The following KPRP variants were observed in gnomAD, a reference collection of about 807,000 sequenced individuals.
KPRP encodes the protein keratinocyte proline rich protein.
For synonymous variants in KPRP, 282 were observed against 276.9 expected, an observed-to-expected ratio of 1.02 and a Z score of -0.18; for missense variants, 820 against 746.4, an observed-to-expected ratio of 1.10 and a Z score of -1.15.
At chr1:152,760,533 A>G (rs1262180295) in exon 1 of KPRP, 1 of 1,611,668 alleles carries the variant, frequency 6.2e-7, no homozygotes, top group South Asian at 1.1e-5. Flanking sequence ...GCCCCATTTC[A>G]AGCTGCTCTC....
exon 1 of KPRP, chr1:152,761,292 T>C: frequency 1.2e-6 from 2 of 1,614,098 alleles, no homozygotes; most frequent in South Asian, 2.2e-5. Flanking sequence ...ATGCCTTTGC[T>C]GGAGTGAAAG....
chr1:152,759,599 A>G, exon 1 of KPRP: 1 of 1,613,748 alleles, frequency 6.2e-7, no homozygotes, highest in East Asian at 2.2e-5. Flanking sequence ...ATGTGTGACC[A>G]GCAGCAGATC....
At chr1:152,760,297 C>G (rs1557827666) in exon 1 of KPRP, 1 of 1,614,184 alleles carries the variant, frequency 6.2e-7, no homozygotes, top group Non-Finnish European at 8.5e-7. Flanking sequence ...GTGCCAGACC[C>G]AGGGCTCCTA....
Position 152,760,289 on chromosome 1 carries a change from G to A in KPRP, c.701G>A (p.Cys234Tyr), listed in dbSNP as rs760472715. 7.2e-5 allele frequency: 116 copies of A among 1,614,022 alleles called. No homozygotes were observed. Among genetic ancestry groups the A allele is most frequent in the Non-Finnish European group, 9.7e-5 (115 of 1,180,034 alleles). The change falls in exon 1 of 1, where the codon TGC becomes TAC. Residue 234 changes from cysteine (C) to tyrosine (Y), a missense_variant. Physicochemically the swap from Cys to Tyr is radical, Grantham distance 194. Transcript: ENST00000606109. The stretch of plus-strand genomic sequence containing the variant: ...TCATTTAGTCCCTGTGTGCCCCAGT[G>A]CCAGACCCAGGGCTCCTATGGGAGC...
exon 1 of KPRP, chr1:152,761,386 C>A: frequency 6.5e-7 from 1 of 1,547,144 alleles, no homozygotes; most frequent in South Asian, 1.3e-5. Flanking sequence ...TCCTCCTATT[C>A]CACAATTTCC....
chr1:152,759,235 A>G (rs974274799), upstream of KPRP, among the ~76,000 whole-genome samples: 9 of 152,180 alleles, frequency 5.9e-5, no homozygotes, highest in African/African-American at 2.2e-4. Context: ...TGTTATCTCT[A>G]CTTCCTGTAG....
At chr1:152,760,780 C>A (rs528347017) in exon 1 of KPRP, 2 of 1,614,084 alleles carry the variant, frequency 1.2e-6, no homozygotes, top group African/African-American at 2.7e-5. Flanking sequence ...ACCACTGCAG[C>A]GATGTCCACC....
Position 152,760,483 on chromosome 1 carries a change from C to T in KPRP, c.895C>T (p.Arg299Cys). Residue 299 changes from arginine to cysteine, a missense_variant, in exon 1 of 1, where the codon CGC becomes TGC. Physicochemically the swap from Arg to Cys is radical, Grantham distance 180. Coordinates refer to ENST00000606109, the Ensembl canonical transcript of KPRP. Reference sequence around the variant, plus strand: ...TTTCCCTAACTACTGCACCCCACCCCGCCGCTCTGAACCCATATATAACAG... The same window carrying T: ...TTTCCCTAACTACTGCACCCCACCCTGCCGCTCTGAACCCATATATAACAG... 1 of 1,613,392 alleles carries T rather than the reference C, an allele frequency of 6.2e-7. No individual in the cohort carries two copies.
Position 152,760,172 on chromosome 1 carries a change from T to C in KPRP, c.584T>C (p.Phe195Ser), listed in dbSNP as rs201287381. Residue 195 changes from phenylalanine (F) to serine (S), a missense_variant, in exon 1 of 1, where the codon TTT (phenylalanine) becomes TCT (serine). Transcript: ENST00000606109. ...TCCTATAGCAGTTGTGGCCCCCAGT[T>C]TCAGTCAAGGGCTACCTGCAACAAC... 2 of 1,613,874 alleles carry C rather than the reference T, an allele frequency of 1.2e-6. No individual in the cohort carries two copies. Among genetic ancestry groups the C allele is most frequent in the East Asian group, 4.5e-5 (2 of 44,846 alleles).
chr1:152,761,587 T>C (rs1441191893), exon 1 of KPRP: 4 of 465,280 alleles, frequency 8.6e-6, no homozygotes, highest in Non-Finnish European at 1.6e-5. Flanking sequence ...TGGGCACAGC[T>C]TGGGTGTTCC....
exon 1 of KPRP, chr1:152,761,551 G>A (rs1038842466): frequency 1.2e-4 from 88 of 739,138 alleles, no homozygotes; most frequent in Non-Finnish European, 1.3e-4. Context: ...ACGCATCCTC[G>A]GCTCTAGCCA....
upstream of KPRP, among the ~76,000 whole-genome samples, chr1:152,758,769 TG>T (rs1398941898): frequency 2.6e-5 from 4 of 152,206 alleles, no homozygotes; most frequent in African/African-American, 9.7e-5. Context: ...TAAGAAGAGC[TG>T]GGGAAAAACA....
At chr1:152,761,421 CAAAGAT>C in exon 1 of KPRP, 1 of 1,480,960 alleles carries the variant, frequency 6.8e-7, no homozygotes. Flanking sequence ...TGAATCTCTC[CAAAGAT>C]ATTCAGAGAC....
chr1:152,759,841 G>T, exon 1 of KPRP: 1 of 1,614,134 alleles, frequency 6.2e-7, no homozygotes, highest in Non-Finnish European at 8.5e-7. Flanking sequence ...GAAGGGCCAG[G>T]CTCAATGTCA....
At chr1:152,759,734 C>G (rs770680879) in exon 1 of KPRP, 12 of 1,614,200 alleles carry the variant, frequency 7.4e-6, no homozygotes, top group Non-Finnish European at 1.0e-5. Flanking sequence ...GTGGACTGCC[C>G]TGCATCATGC....
exon 1 of KPRP, chr1:152,760,080 G>A (rs576805453): frequency 1.9e-6 from 3 of 1,614,190 alleles, no homozygotes; most frequent in East Asian, 2.2e-5. Flanking sequence ...CTGTCCAGAT[G>A]TATAGAGGGC....
chr1:152,761,614 A>G (rs1299489701), exon 1 of KPRP: 1 of 356,740 alleles, frequency 2.8e-6, no homozygotes, highest in Non-Finnish European at 5.4e-6. Flanking sequence ...CATACTTTAG[A>G]TGTCCCTGCC....
rs767330692 is a variant in KPRP, at chr1:152,761,065, G to T, written c.1477G>T (p.Glu493Ter). ...CTGCCCAAGCCCGGAGCCCTGCAGGGAGACTTGGCGCAGCCCCAGCCCATG... is the reference window on the plus strand; with the variant it reads ...CTGCCCAAGCCCGGAGCCCTGCAGGTAGACTTGGCGCAGCCCCAGCCCATG... Residue 493 changes from glutamate to a stop codon, truncating the protein, a stop_gained, in exon 1 of 1, where the codon GAG becomes TAG. Coordinates refer to ENST00000606109, the Ensembl canonical transcript of KPRP. LOFTEE classifies it low-confidence loss of function (END_TRUNC). 9.3e-6 allele frequency: 15 copies of T among 1,613,998 alleles called. No homozygotes were observed. In the East Asian group the frequency reaches 3.3e-4, roughly 36 times the overall value.
At chr1:152,760,121 T>C in exon 1 of KPRP, 1 of 1,614,038 alleles carries the variant, frequency 6.2e-7, no homozygotes, top group Non-Finnish European at 8.5e-7. Flanking sequence ...CAGGGAAGAT[T>C]CTCCACCCAG....
Sources: allele counts gnomAD v4.1 joint callset (sites outside exome capture counted in the v4.1 genomes callset), GRCh38; gene constraint gnomAD v4.1.1; transcripts MANE v1.5; gene names NCBI Gene and HGNC (gene_info 2026-07-23, HGNC 2026-07-21).